Variants in CEP112 observed in about 807,000 individuals in gnomAD.
The protein encoded by CEP112 is centrosomal protein 112, also known as centrosomal protein of 112 kDa.
In CEP112, 127 loss-of-function variants were observed where a neutral mutation model predicts 153.0. That is an observed-to-expected ratio of 0.83 (90% CI 0.72 to 0.96). CEP112 has a LOEUF of 0.96. Ranked by LOEUF, CEP112 falls within the 40% of genes least tolerant of loss-of-function variation. The pLI is 0.00. For synonymous variants in CEP112, 358 were observed against 374.4 expected, an observed-to-expected ratio of 0.96 and a Z score of 0.51; for missense variants, 1,089 against 1,101.2, an observed-to-expected ratio of 0.99 and a Z score of 0.16.
intron 24 of CEP112, among the ~76,000 whole-genome samples, chr17:65,658,482 G>A (rs2046174424): frequency 6.6e-6 from 1 of 152,260 alleles, no homozygotes; most frequent in Non-Finnish European, 1.5e-5. Flanking sequence ...GTGCCTAGAA[G>A]AAGGGTGATG....
intron 21 of CEP112, among the ~76,000 whole-genome samples, chr17:65,793,124 G>A (rs2054695075): frequency 6.6e-6 from 1 of 152,148 alleles, no homozygotes; most frequent in Non-Finnish European, 1.5e-5. Context: ...CATGAAATAT[G>A]AAATAATAAC....
At chr17:66,120,914 G>A (rs983223779) in intron 6 of CEP112, among the ~76,000 whole-genome samples, 10 of 151,698 alleles carry the variant, frequency 6.6e-5, no homozygotes, top group Non-Finnish European at 1.2e-4. Flanking sequence ...TTGTTCTTTC[G>A]CCAGTTTCTT....
chr17:65,896,924 T>C (rs2059679103), intron 20 of CEP112, among the ~76,000 whole-genome samples: 1 of 152,042 alleles, frequency 6.6e-6, no homozygotes, highest in African/African-American at 2.4e-5. Flanking sequence ...TTTACAAAAT[T>C]AAAGTGAAAT....
chr17:65,909,879 C>T (rs984931322), intron 19 of CEP112, among the ~76,000 whole-genome samples: 5 of 152,124 alleles, frequency 3.3e-5, no homozygotes, highest in Admixed American at 6.6e-5. Flanking sequence ...GGATTATTTT[C>T]CAGTATCCCA....
At chr17:66,001,503 T>A (rs2064049228) in intron 17 of CEP112, among the ~76,000 whole-genome samples, 1 of 152,216 alleles carries the variant, frequency 6.6e-6, no homozygotes, top group South Asian at 2.1e-4. Flanking sequence ...ATATTTAGAA[T>A]GTTTATGACA....
intron 23 of CEP112, among the ~76,000 whole-genome samples, chr17:65,703,628 T>C (rs1459651274): frequency 6.7e-6 from 1 of 149,866 alleles, no homozygotes; most frequent in African/African-American, 2.5e-5. Context: ...TCTCAGCCTC[T>C]ACGTTTTGCC....
intron 22 of CEP112, among the ~76,000 whole-genome samples, chr17:65,744,232 G>GTTTT (rs903224416): frequency 1.4e-5 from 2 of 138,120 alleles, no homozygotes; most frequent in African/African-American, 5.4e-5. Context: ...GTTTTTTTGT[G>GTTTT]TTTTTTGTTT....
At chr17:65,849,010 T>C (rs949551312) in intron 21 of CEP112, among the ~76,000 whole-genome samples, 113 of 152,312 alleles carry the variant, frequency 7.4e-4, no homozygotes, top group African/African-American at 2.6e-3. Context: ...CACTGGAATC[T>C]TGACACTTCA....
chr17:65,965,599 T>C (rs1273718471), intron 17 of CEP112, among the ~76,000 whole-genome samples: 2 of 147,524 alleles, frequency 1.4e-5, no homozygotes, highest in Non-Finnish European at 3.0e-5. Context: ...CAGGGCTCAC[T>C]GCAGCCTTGA....
At chr17:66,030,265 TA>T (rs1283875876) in intron 12 of CEP112, among the ~76,000 whole-genome samples, 1 of 152,212 alleles carries the variant, frequency 6.6e-6, no homozygotes, top group East Asian at 1.9e-4. Context: ...ATTTAATGAA[TA>T]TTTACTGAGG....
intron 20 of CEP112, among the ~76,000 whole-genome samples, chr17:65,880,353 C>T (rs913325203): frequency 6.6e-6 from 1 of 152,002 alleles, no homozygotes; most frequent in African/African-American, 2.4e-5. Context: ...TAATGGATAT[C>T]ATCACGATTT....
At chr17:65,782,642 T>C (rs531358800) in intron 21 of CEP112, among the ~76,000 whole-genome samples, 3 of 152,292 alleles carry the variant, frequency 2.0e-5, no homozygotes, top group African/African-American at 2.4e-5. Context: ...ATATATACCA[T>C]GGAATACTAT....
intron 18 of CEP112, among the ~76,000 whole-genome samples, chr17:65,948,670 G>A (rs2061722009): frequency 1.3e-5 from 2 of 151,018 alleles, no homozygotes; most frequent in Admixed American, 6.7e-5. Context: ...GTTGCTGAGA[G>A]CTAAACTGAT....
chr17:65,683,209 C>T (rs762154917), intron 24 of CEP112, among the ~76,000 whole-genome samples: 11 of 152,198 alleles, frequency 7.2e-5, no homozygotes, highest in Admixed American at 2.6e-4. Flanking sequence ...CCATGGAGAC[C>T]GTCTTTGGTC....
chr17:66,130,792 A>AAC (rs1491276818), intron 5 of CEP112, among the ~76,000 whole-genome samples: 1 of 151,556 alleles, frequency 6.6e-6, no homozygotes, highest in African/African-American at 2.4e-5. Flanking sequence ...AAAAAAAAAA[A>AAC]ACACACACAA....
At chr17:65,902,096 C>A (rs1422302409) in intron 20 of CEP112, 56 bp downstream of exon 20, 63 of 1,271,174 alleles carry the variant, frequency 5.0e-5, no homozygotes, top group Non-Finnish European at 6.8e-5. Context: ...AAACATTAAA[C>A]GCTGATGACT....
chr17:65,838,817 A>G (rs2057413197), intron 21 of CEP112, among the ~76,000 whole-genome samples: 1 of 151,952 alleles, frequency 6.6e-6, no homozygotes, highest in Non-Finnish European at 1.5e-5. Flanking sequence ...AAAGGGAGAC[A>G]CTAAAATTGA....
At chr17:65,858,680 G>T (rs2058204432) in intron 20 of CEP112, among the ~76,000 whole-genome samples, 1 of 152,022 alleles carries the variant, frequency 6.6e-6, no homozygotes, top group African/African-American at 2.4e-5. Context: ...TAAGCTGGTT[G>T]CCTACTTCAT....
intron 19 of CEP112, among the ~76,000 whole-genome samples, chr17:65,907,385 T>C (rs2060123355): frequency 6.6e-6 from 1 of 152,224 alleles, no homozygotes; most frequent in African/African-American, 2.4e-5. Flanking sequence ...GTTAGTTTGA[T>C]ATTTTGCCAG....
Sources: gnomAD v4.1 joint callset for allele counts (sites outside exome capture counted in the v4.1 genomes callset) on GRCh38, gnomAD v4.1.1 for gene constraint, MANE v1.5 for transcripts, NCBI Gene and HGNC (gene_info 2026-07-23, HGNC 2026-07-21) for gene names.